The following XKR9 variants were observed in gnomAD, a reference collection of about 807,000 sequenced individuals.
The protein encoded by XKR9 is XK related 9, also known as XK-related protein 9.
A neutral mutation model predicts 32.0 loss-of-function variants in XKR9; 32 were observed. The observed-to-expected ratio is 1.00, with a 90% CI of 0.76 to 1.34. The LOEUF (loss-of-function observed/expected upper bound fraction) is 1.34. XKR9 is among the 40% of genes most tolerant of loss of function. XKR9 has a pLI of 0.00. For synonymous variants in XKR9, 168 were observed against 143.4 expected, an observed-to-expected ratio of 1.17 and a Z score of -1.22; for missense variants, 546 against 429.7, an observed-to-expected ratio of 1.27 and a Z score of -2.39.
At chr8:70,852,236 C>T in the XKR9 span, among the ~76,000 whole-genome samples, 7 of 152,094 alleles carry the variant, frequency 4.6e-5, no homozygotes, top group African/African-American at 9.7e-5. Context: ...CAATGAGATA[C>T]GATCTCATGC....
the XKR9 span, among the ~76,000 whole-genome samples, chr8:70,921,230 C>CA: frequency 2.6e-5 from 4 of 152,196 alleles, no homozygotes; most frequent in Non-Finnish European, 5.9e-5. Flanking sequence ...AAGTTAAAGG[C>CA]AAGGAGGCTG....
At chr8:70,770,107 C>A (rs1032582397) in intron 2 of XKR9, among the ~76,000 whole-genome samples, 12 of 152,022 alleles carry the variant, frequency 7.9e-5, no homozygotes, top group Non-Finnish European at 1.8e-4. Context: ...ATGCAGAGGA[C>A]CTTTGGATTG....
At chr8:70,805,746 T>TGGATCTCCCTGGGCCTGAGCCC in the XKR9 span, among the ~76,000 whole-genome samples, 1 of 152,286 alleles carries the variant, frequency 6.6e-6, no homozygotes, top group South Asian at 2.1e-4. Context: ...GGACAGAACC[T>TGGATCTCCCTGGGCCTGAGCCC]GGATCTCCCT....
intron 4 of XKR9, among the ~76,000 whole-genome samples, chr8:70,720,633 A>G (rs1313256842): frequency 6.6e-6 from 1 of 152,192 alleles, no homozygotes; most frequent in East Asian, 1.9e-4. Flanking sequence ...CCAGCTGTTC[A>G]TCCCAGGGAT....
the XKR9 span, among the ~76,000 whole-genome samples, chr8:70,845,347 C>G: frequency 2.3e-4 from 35 of 152,254 alleles, no homozygotes; most frequent in Admixed American, 9.8e-4. Flanking sequence ...ACAAGATGTG[C>G]AGGTATCAGT....
chr8:70,881,830 G>A, the XKR9 span, among the ~76,000 whole-genome samples: 1 of 152,190 alleles, frequency 6.6e-6, no homozygotes, highest in Non-Finnish European at 1.5e-5. Context: ...GTTTATTGCG[G>A]CACTATTCAC....
chr8:70,755,886 T>G (rs985066524), intron 2 of XKR9, among the ~76,000 whole-genome samples: 1 of 137,584 alleles, frequency 7.3e-6, no homozygotes, highest in Non-Finnish European at 1.7e-5. Context: ...ATTGTGCACA[T>G]GTACCCTAAA....
chr8:70,916,994 T>A, the XKR9 span, among the ~76,000 whole-genome samples: 2 of 152,190 alleles, frequency 1.3e-5, no homozygotes, highest in African/African-American at 4.8e-5. Context: ...TTTGACAAGA[T>A]GTTCCTTTTT....
chr8:70,801,846 G>A, the XKR9 span, among the ~76,000 whole-genome samples: 3 of 152,052 alleles, frequency 2.0e-5, no homozygotes, highest in Admixed American at 1.3e-4. Context: ...GGGTGCTCTT[G>A]TGCTGGGTGC....
At chr8:71,040,979 T>G in the XKR9 span, among the ~76,000 whole-genome samples, 1 of 152,146 alleles carries the variant, frequency 6.6e-6, no homozygotes, top group Non-Finnish European at 1.5e-5. Context: ...TTGATACATG[T>G]CAACTGGAAA....
At chr8:70,901,164 G>T in the XKR9 span, among the ~76,000 whole-genome samples, 2 of 152,114 alleles carry the variant, frequency 1.3e-5, no homozygotes, top group Non-Finnish European at 2.9e-5. Context: ...AATCTTTTGG[G>T]TATATACCCA....
At chr8:70,967,320 C>A in the XKR9 span, among the ~76,000 whole-genome samples, 1 of 152,072 alleles carries the variant, frequency 6.6e-6, no homozygotes, top group Admixed American at 6.5e-5. Flanking sequence ...TCGCCCACCT[C>A]GGCCTCCCAA....
At chr8:70,706,196 C>G (rs1004283893) in intron 3 of XKR9, among the ~76,000 whole-genome samples, 1 of 152,188 alleles carries the variant, frequency 6.6e-6, no homozygotes, top group East Asian at 1.9e-4. Context: ...TTACTGCTAG[C>G]CTCAGATTTC....
In XKR9 at chr8:70,681,149, A is replaced by C; in HGVS notation, c.91A>C (p.Arg31=). The change falls in exon 3 of 5, where the codon AGA becomes CGA. Residue 31 remains arginine, a synonymous_variant. Coordinates refer to ENST00000408926, the MANE Select transcript of XKR9 (RefSeq NM_001011720.2). ...DLIVDIWVSV[R]FFHEGQYVFS... ...AATTGTGGACATATGGGTATCTGTC[A>C]GATTTTTCCATGAAGGACAGTATGT... The C allele has an allele frequency of 6.2e-7, 1 of 1,613,612 alleles. No individual in the cohort carries two copies. The highest frequency in any genetic ancestry group is 8.5e-7 in the Non-Finnish European group (1 of 1,179,626).
chr8:70,914,249 A>T, the XKR9 span, among the ~76,000 whole-genome samples: 1 of 152,156 alleles, frequency 6.6e-6, no homozygotes, highest in Non-Finnish European at 1.5e-5. Context: ...GGTTGAGTAT[A>T]CACATAGAAG....
At chr8:70,891,081 A>G in the XKR9 span, among the ~76,000 whole-genome samples, 1 of 151,900 alleles carries the variant, frequency 6.6e-6, no homozygotes, top group Non-Finnish European at 1.5e-5. Flanking sequence ...TTGTTGGCAT[A>G]TAGTTATCTG....
the XKR9 span, among the ~76,000 whole-genome samples, chr8:71,027,784 G>T: frequency 8.2e-4 from 41 of 49,808 alleles, no homozygotes; most frequent in African/African-American, 1.5e-3. Flanking sequence ...TTTGGCGGGG[G>T]GGGGGGGTCT....
the XKR9 span, among the ~76,000 whole-genome samples, chr8:70,905,631 C>T: frequency 6.6e-6 from 1 of 152,188 alleles, no homozygotes; most frequent in Non-Finnish European, 1.5e-5. Flanking sequence ...CTCAACTCGT[C>T]AAAGTCATTC....
At chr8:70,837,949 C>A in the XKR9 span, among the ~76,000 whole-genome samples, 1 of 152,064 alleles carries the variant, frequency 6.6e-6, no homozygotes, top group Non-Finnish European at 1.5e-5. Context: ...TCTTCATTAT[C>A]ATTTATTATT....
Sources: allele counts gnomAD v4.1 joint callset (sites outside exome capture counted in the v4.1 genomes callset), GRCh38; gene constraint gnomAD v4.1.1; transcripts MANE v1.5; gene names NCBI Gene and HGNC (gene_info 2026-07-23, HGNC 2026-07-21).